CDK11B: variants seen among roughly 807,000 people sequenced by gnomAD.
CDK11B encodes cyclin-dependent kinase 11B.
Under a neutral mutation model 84.0 loss-of-function variants are expected in CDK11B, and 37 were observed. That is an observed-to-expected ratio of 0.44 (90% CI 0.34 to 0.58). CDK11B has a LOEUF of 0.58. Among genes scored for constraint, CDK11B ranks in the 20% least tolerant of loss-of-function variants. The probability of loss-of-function intolerance (pLI) is 0.02; values close to 1 mark genes in which losing one functional copy is unlikely to be tolerated. For synonymous variants in CDK11B, 269 were observed against 309.8 expected, an observed-to-expected ratio of 0.87 and a Z score of 1.38; for missense variants, 427 against 834.0, an observed-to-expected ratio of 0.51 and a Z score of 6.01.
At chr1:1,657,223 T>A in intron 2 of CDK11B, 152 bp downstream of exon 2, 2 of 1,614,006 alleles carry the variant, frequency 1.2e-6, no homozygotes, top group Non-Finnish European at 1.7e-6. Flanking sequence ...TTTGAATGTT[T>A]TTGTTAATTT....
rs1445209438 is a variant in CDK11B at position 1,636,732 on chromosome 1, G to C, written c.1867C>G (p.Pro623Ala). ...ATTTCTGACTTCCCGGGGAACAGAG[G>C]CTTCTGAGTCAGCAGCTCCCCGAAG... ...CIFGELLTQK[P>A]LFPGKSEIDQ... The change falls in exon 17 of 20, where the codon CCT (proline) becomes GCT (alanine). Residue 623 changes from proline (P) to alanine (A), a missense_variant. This residue lies in a region of CDK11B where 170 missense variants were observed against 196.0 expected (regional missense o/e 0.87). Transcript: ENST00000341832. 29 of 1,613,850 alleles carry C rather than the reference G, an allele frequency of 1.8e-5. No homozygotes were observed. The highest frequency in any genetic ancestry group is 2.2e-5 in the Non-Finnish European group (26 of 1,179,870).
rs1639572688 is a variant in CDK11B at position 1,637,602 on chromosome 1, CCTCCGGTGCCA to C, written c.1465-100_1465-90del. On this transcript the variant is annotated intron_variant, in intron 13 of 19. Coordinates refer to ENST00000341832, the MANE Select transcript of CDK11B (RefSeq NM_033486.3). ...TGCAGCTGCTGAGGGACAGTAAGGA[CCTCCGGTGCCA>C]CCCGGGAGGCAAATGCTTGCTTCTG... 2.5e-6 allele frequency: 4 copies of C among 1,608,842 alleles called. No homozygotes were observed. In the Admixed American group the frequency reaches 6.7e-5, roughly 27 times the overall value.
chr1:1,648,588 G>A (rs867409629), intron 5 of CDK11B, among the ~76,000 whole-genome samples: 22 of 149,956 alleles, frequency 1.5e-4, no homozygotes, highest in Middle Eastern at 3.4e-3. Context: ...CTCTGAAGGC[G>A]GAGATGGGCC....
intron 3 of CDK11B, among the ~76,000 whole-genome samples, chr1:1,653,825 T>TACAA (rs1642335765): frequency 8.2e-6 from 1 of 121,844 alleles, no homozygotes; most frequent in East Asian, 2.8e-4. Flanking sequence ...CTACTAAAAA[T>TACAA]ACACACACAC....
intron 4 of CDK11B, among the ~76,000 whole-genome samples, chr1:1,650,650 C>A (rs1394055417): frequency 6.9e-6 from 1 of 145,438 alleles, no homozygotes; most frequent in African/African-American, 2.5e-5. Context: ...CAGTTGTGAG[C>A]CACCGCGCCC....
rs1390100711 is a variant in CDK11B, at chr1:1,649,484, AC to A, written c.494+14del. ...AGCCCTTTTATAAAGTCCTCAACTG[AC>A]CCAGCCGACTCACCTTTCTCTCCTG... On this transcript the variant is annotated intron_variant, in intron 5 of 19. Coordinates refer to ENST00000341832, the MANE Select transcript of CDK11B (RefSeq NM_033486.3). The A allele has an allele frequency of 3.9e-6, 6 of 1,548,562 alleles. No individual in the cohort carries two copies. The highest frequency in any genetic ancestry group is 2.7e-5 in the African/African-American group (2 of 73,454).
chr1:1,651,700 C>T (rs1186487768), intron 4 of CDK11B, among the ~76,000 whole-genome samples: 5 of 148,948 alleles, frequency 3.4e-5, no homozygotes, highest in Non-Finnish European at 5.9e-5. Flanking sequence ...CTCTCTATAG[C>T]CCCTCTGAAT....
At chr1:1,639,088 GCAC>G (rs1034733968) in intron 11 of CDK11B, among the ~76,000 whole-genome samples, 2 of 151,344 alleles carry the variant, frequency 1.3e-5, no homozygotes, top group African/African-American at 2.4e-5. Flanking sequence ...GTATAGGTAC[GCAC>G]CACCACGCCA....
chr1:1,655,326 G>A (rs1245194932), intron 3 of CDK11B, 43 bp downstream of exon 3: 1 of 1,601,560 alleles, frequency 6.2e-7, no homozygotes. Flanking sequence ...GCCAGGCCAG[G>A]GCTGTGTACA....
At chr1:1,652,969 C>T (rs1451821913) in intron 3 of CDK11B, among the ~76,000 whole-genome samples, 1 of 152,030 alleles carries the variant, frequency 6.6e-6, no homozygotes, top group African/African-American at 2.4e-5. Context: ...ATGATCCGCC[C>T]ACCTCGGTCT....
chr1:1,654,072 C>A (rs2100993267), intron 3 of CDK11B: 1 of 437,592 alleles, frequency 2.3e-6, no homozygotes, highest in Middle Eastern at 3.4e-4. Context: ...ACAGTATCTT[C>A]AGCTGATTTC....
intron 4 of CDK11B, among the ~76,000 whole-genome samples, chr1:1,651,157 A>G (rs1641955298): frequency 1.3e-5 from 2 of 152,354 alleles, no homozygotes; most frequent in Non-Finnish European, 2.9e-5. Flanking sequence ...TACGAGATCA[A>G]ACTGCTCAAG....
At chr1:1,648,881 A>T (rs1273107114) in intron 5 of CDK11B, among the ~76,000 whole-genome samples, 2 of 151,770 alleles carry the variant, frequency 1.3e-5, no homozygotes, top group African/African-American at 4.8e-5. Flanking sequence ...GGATCCAACC[A>T]CCTCAGCCTC....
At chr1:1,639,516 C>A (rs1482765398) in intron 11 of CDK11B, among the ~76,000 whole-genome samples, 1 of 151,938 alleles carries the variant, frequency 6.6e-6, no homozygotes, top group African/African-American at 2.4e-5. Flanking sequence ...CCAGGCGCAG[C>A]ATGATGCCCC....
chr1:1,636,265 T>C, intron 18 of CDK11B, 68 bp downstream of exon 18: 3 of 1,450,520 alleles, frequency 2.1e-6, no homozygotes, highest in Admixed American at 2.1e-5. Flanking sequence ...AGCCAGCAGG[T>C]AGGCCTGGGA....
chr1:1,651,141 T>C (rs1641952850), intron 4 of CDK11B, among the ~76,000 whole-genome samples: 1 of 152,354 alleles, frequency 6.6e-6, no homozygotes, highest in Admixed American at 6.5e-5. Flanking sequence ...AACCTCCTGA[T>C]GTTGGTACGA....
chr1:1,639,993 CGGG>C (rs1557670404), intron 11 of CDK11B, among the ~76,000 whole-genome samples: 6 of 151,644 alleles, frequency 4.0e-5, no homozygotes, highest in Non-Finnish European at 7.4e-5. Context: ...GGACGCAACT[CGGG>C]CAGCAGTGAC....
chr1:1,654,294 C>A (rs1642427823), intron 3 of CDK11B: 1 of 393,354 alleles, frequency 2.5e-6, no homozygotes, highest in South Asian at 1.9e-5. Context: ...TTTTTCCACA[C>A]AGGGTCTTGC....
intron 2 of CDK11B, 79 bp downstream of exon 2, chr1:1,657,296 C>G (rs763149824): frequency 1.2e-5 from 2 of 162,232 alleles, no homozygotes; most frequent in South Asian, 1.6e-4. Flanking sequence ...ACCGAAGAAG[C>G]GTTGTTCTAA....
Sources: allele counts gnomAD v4.1 joint callset (sites outside exome capture counted in the v4.1 genomes callset), GRCh38; gene constraint gnomAD v4.1.1; regional missense constraint gnomAD v4.1.1; transcripts MANE v1.5; gene names NCBI Gene and HGNC (gene_info 2026-07-23, HGNC 2026-07-21).